The following SBK1 variants were observed in gnomAD, a reference collection of about 807,000 sequenced individuals.
SBK1 encodes SH3 domain binding kinase 1.
In SBK1, 11 loss-of-function variants were observed where a neutral mutation model predicts 24.4. The observed-to-expected ratio is 0.45, with a 90% confidence interval of 0.28 to 0.75. The LOEUF (loss-of-function observed/expected upper bound fraction) is 0.75. Among genes scored for constraint, SBK1 ranks in the 30% least tolerant of loss-of-function variants. The probability of loss-of-function intolerance (pLI) is 0.12; values close to 1 mark genes in which losing one functional copy is unlikely to be tolerated. For missense variants in SBK1, 467 were observed against 620.5 expected (o/e 0.75, Z 2.63); for synonymous variants, 308 against 284.4 (o/e 1.08, Z -0.83).
Position 28,320,774 on chromosome 16 carries a change from C to T in SBK1, c.1128C>T (p.Pro376=), listed in dbSNP as rs1276884928. 5 of 1,399,170 alleles carry T rather than the reference C, an allele frequency of 3.6e-6. No homozygotes were observed. Among genetic ancestry groups the T allele is most frequent in the Non-Finnish European group, 3.7e-6 (4 of 1,071,554 alleles). The allele number at this position is 1,399,170 out of a possible 1,614,324, so 86.7% of individuals were successfully genotyped here. A position where few individuals can be genotyped will look rare whatever the true frequency, so the allele number is the denominator to read the frequency against. Reference sequence around the variant, plus strand: ...CCGCCGTCGGGTCGGTGCCCTTGCCCGTGCCGGTGCCGGTGCCAGTGCCCG... The same window carrying T: ...CCGCCGTCGGGTCGGTGCCCTTGCCTGTGCCGGTGCCGGTGCCAGTGCCCG... ...APPAVGSVPL[P]VPVPVPVPVP... is the part of the protein sequence containing the mutation. The change falls in exon 4 of 4, where the codon CCC becomes CCT. Residue 376 remains proline (P), a synonymous_variant. Transcript: ENST00000341901. The surrounding 1 kb of genome is among the most constrained non-coding windows in gnomAD (Gnocchi z 8.5).
chr16:28,288,468 G>C (rs1225469179), upstream of SBK1, among the ~76,000 whole-genome samples: 1 of 152,204 alleles, frequency 6.6e-6, no homozygotes, highest in Admixed American at 6.5e-5. Flanking sequence ...TTTGAAGAGG[G>C]AGATTAGTGG....
intron 1 of SBK1, among the ~76,000 whole-genome samples, chr16:28,270,515 T>C (rs1197080766): frequency 1.3e-5 from 2 of 151,934 alleles, no homozygotes; most frequent in East Asian, 3.9e-4. Context: ...AGTCTCAACC[T>C]CCTGAGCCCA....
chr16:28,289,950 G>A (rs555177297), upstream of SBK1, among the ~76,000 whole-genome samples: 1 of 152,128 alleles, frequency 6.6e-6, no homozygotes, highest in South Asian at 2.1e-4. Context: ...GCTGAGCCTG[G>A]TGGTGCACAC....
chr16:28,291,355 T>C (rs1195437993), upstream of SBK1: 2 of 149,666 alleles, frequency 1.3e-5, no homozygotes, highest in African/African-American at 5.0e-5. Context: ...CAGGGACTGT[T>C]GTGGGGTGGG....
Position 28,320,808 on chromosome 16 carries a change from C to G in SBK1, c.1162C>G (p.Pro388Ala), listed in dbSNP as rs1406673148. The change falls in exon 4 of 4, where the codon CCT becomes GCT. Residue 388 changes from proline (P) to alanine (A), a missense_variant. By Grantham distance (27) the Pro-to-Ala change is conservative (BLOSUM62 -1). This residue lies in a region of SBK1 where 166 missense variants were observed against 146.8 expected (regional missense o/e 1.13). Transcript: ENST00000341901. The surrounding 1 kb of genome is among the most constrained non-coding windows in gnomAD (Gnocchi z 8.5). ...PVPVPVPVPVPVPEPGLAPQG... is the reference protein window; with the variant it reads ...PVPVPVPVPVAVPEPGLAPQG... ...GCCGGTGCCAGTGCCCGTGCCGGTG[C>G]CTGTGCCCGAGCCCGGCCTAGCTCC... is the stretch of plus-strand genomic sequence containing the variant. The G allele has an allele frequency of 1.4e-6, 2 of 1,443,366 alleles. No individual in the cohort carries two copies. Among genetic ancestry groups the G allele is most frequent in the Non-Finnish European group, 1.8e-6 (2 of 1,097,112 alleles). 89.4% of individuals were successfully genotyped at this position (1,443,366 alleles called of 1,614,324 possible).
upstream of SBK1, chr16:28,291,618 GAA>G (rs2044599125): frequency 6.6e-6 from 1 of 152,098 alleles, no homozygotes; most frequent in African/African-American, 2.4e-5. Flanking sequence ...TCTCACTAGG[GAA>G]AGAGTGAGCT....
intron 1 of SBK1, among the ~76,000 whole-genome samples, chr16:28,296,560 C>T (rs1386630768): frequency 6.6e-6 from 1 of 152,124 alleles, no homozygotes. Flanking sequence ...GGGCAACCTT[C>T]GTCTGTGTGT....
In SBK1 at chr16:28,320,327, G is replaced by T; in HGVS notation, c.681G>T (p.Gly227=). The T allele has an allele frequency of 6.3e-7, 1 of 1,592,304 alleles. No individual in the cohort carries two copies. Among genetic ancestry groups the T allele is most frequent in the Non-Finnish European group, 8.5e-7 (1 of 1,175,578 alleles). The change falls in exon 4 of 4, where the codon GGG becomes GGT. Residue 227 remains glycine, a synonymous_variant. Transcript: ENST00000341901. This position sits in a 1 kb window ranked among gnomAD's most constrained non-coding sequence, Gnocchi z 8.5. Reference sequence around the variant, plus strand: ...TGTGCCAGGCGGGCCGCGCCGACGGGCTGGCGGTGGACACGGGCGTGGACG... The same window carrying T: ...TGTGCCAGGCGGGCCGCGCCGACGGTCTGGCGGTGGACACGGGCGTGGACG... ...PEVCQAGRAD[G]LAVDTGVDVW... is the part of the protein sequence containing the mutation.
intron 1 of SBK1, among the ~76,000 whole-genome samples, chr16:28,303,507 C>CTTTTTTTT (rs143613970): frequency 2.6e-3 from 151 of 58,076 alleles, no homozygotes; most frequent in Non-Finnish European, 3.2e-3. Context: ...CTTTTCTTTT[C>CTTTTTTTT]TTTTTTTTTT....
chr16:28,277,032 G>T lies in SBK1; in HGVS notation c.257+17530G>T, dbSNP rs527904002. On this transcript the variant is annotated intron_variant, in intron 1 of 3. Coordinates refer to the SBK1 transcript ENST00000671413. ...AAGAGGATAGAAGGGCAGAGCAGAG[G>T]GGGGAGTGCCTGAAATAGAGAACTC... 1.3e-3 allele frequency among the ~76,000 whole-genome samples: 203 copies of T among 152,150 alleles called. 2 individuals are homozygous for T. Among genetic ancestry groups the T allele is most frequent in the South Asian group, 2.1e-3 (10 of 4,818 alleles).
intron 1 of SBK1, among the ~76,000 whole-genome samples, chr16:28,281,785 G>C (rs911981886): frequency 1.3e-5 from 2 of 152,190 alleles, no homozygotes; most frequent in African/African-American, 4.8e-5. Flanking sequence ...AAATAAGTGG[G>C]TGGGCATGAA....
chr16:28,303,600 G>A (rs1164957797), intron 1 of SBK1, among the ~76,000 whole-genome samples: 5 of 127,374 alleles, frequency 3.9e-5, no homozygotes, highest in Admixed American at 2.9e-4. Flanking sequence ...CTGCAGCCTC[G>A]AATTCCTGAG....
Position 28,293,177 on chromosome 16 carries a change from C to G in SBK1, c.-131C>G, listed in dbSNP as rs751591882. 2.4e-5 allele frequency: 24 copies of G among 985,456 alleles called. No homozygotes were observed. Among genetic ancestry groups the G allele is most frequent in the Non-Finnish European group, 2.9e-5 (24 of 830,032 alleles). 61.0% of individuals were successfully genotyped at this position (985,456 alleles called of 1,614,324 possible). On this transcript the variant is annotated 5_prime_UTR_variant, in exon 1 of 4. Transcript: ENST00000341901. ...AGCTCCAGGACTTGGGCGACTGAGC[C>G]CCTGGCGGCACCGCTTGCACCCCGG...
chr16:28,266,246 A>G (rs980817640), intron 1 of SBK1, among the ~76,000 whole-genome samples: 1 of 151,956 alleles, frequency 6.6e-6, no homozygotes, highest in African/African-American at 2.4e-5. Context: ...ACGTATCGGT[A>G]TTCCCAGCTC....
chr16:28,280,149 A>ATGTGTGTGTGTG (rs71380914), intron 1 of SBK1, among the ~76,000 whole-genome samples: 18 of 39,408 alleles, frequency 4.6e-4, no homozygotes, highest in African/African-American at 1.2e-3. Context: ...ATATATATAT[A>ATGTGTGTGTGTG]TGTGTGTGTG....
intron 1 of SBK1, among the ~76,000 whole-genome samples, chr16:28,280,999 A>C (rs1442509300): frequency 1.3e-5 from 2 of 152,210 alleles, no homozygotes; most frequent in African/African-American, 4.8e-5. Context: ...CTCTGGGGGT[A>C]GCTACAGGTC....
chr16:28,264,437 G>A (rs2044415769), intron 1 of SBK1, among the ~76,000 whole-genome samples: 1 of 152,126 alleles, frequency 6.6e-6, no homozygotes, highest in East Asian at 1.9e-4. Context: ...GGCCAGGCAT[G>A]GAGGCACACA....
At chr16:28,308,794 A>G (rs1596551593) in intron 1 of SBK1, among the ~76,000 whole-genome samples, 1 of 131,904 alleles carries the variant, frequency 7.6e-6, no homozygotes, top group African/African-American at 2.8e-5. Context: ...TTTTGTTTTT[A>G]ATTGATAGAG....
At chr16:28,287,426 G>C (rs2044572793) in intron 1 of SBK1, among the ~76,000 whole-genome samples, 1 of 149,966 alleles carries the variant, frequency 6.7e-6, no homozygotes, top group African/African-American at 2.5e-5. Flanking sequence ...TCCAGCCTGG[G>C]TGACAGAGCA....
Sources: allele counts gnomAD v4.1 joint callset (sites outside exome capture counted in the v4.1 genomes callset), GRCh38; gene constraint gnomAD v4.1.1; regional missense constraint gnomAD v4.1.1; non-coding constraint Gnocchi (gnomAD v3.1); transcripts MANE v1.5; gene names NCBI Gene and HGNC (gene_info 2026-07-23, HGNC 2026-07-21).